The following FANCC variants were observed in gnomAD, a reference collection of about 807,000 sequenced individuals.
FANCC encodes Fanconi anemia group C protein.
Under a neutral mutation model 71.3 loss-of-function variants are expected in FANCC, and 55 were observed. The observed-to-expected ratio is 0.77, with a 90% CI of 0.62 to 0.97. FANCC has a LOEUF of 0.97. Among genes scored for constraint, FANCC ranks in the 50% least tolerant of loss-of-function variants. The pLI is 0.00. For synonymous variants in FANCC, 275 were observed against 244.9 expected (o/e 1.12, Z -1.15); for missense variants, 678 against 670.9 (o/e 1.01, Z -0.12).
intron 4 of FANCC, among the ~76,000 whole-genome samples, chr9:95,192,719 G>A (rs1344978394): frequency 6.6e-6 from 1 of 152,194 alleles, no homozygotes; most frequent in Non-Finnish European, 1.5e-5. Flanking sequence ...TATAGTCAAA[G>A]TAGAGACTCT....
chr9:95,290,018 C>A (rs910542254), intron 1 of FANCC, among the ~76,000 whole-genome samples: 1 of 152,104 alleles, frequency 6.6e-6, no homozygotes, highest in Non-Finnish European at 1.5e-5. Flanking sequence ...AAGACTGATT[C>A]CAGAAAATTG....
chr9:95,111,741 T>G, intron 12 of FANCC, 104 bp from the exon 13 acceptor site: 1 of 1,378,106 alleles, frequency 7.3e-7, no homozygotes, highest in Admixed American at 1.8e-5. Flanking sequence ...TAAATTGTAC[T>G]TATCCACTGA....
intron 4 of FANCC, among the ~76,000 whole-genome samples, chr9:95,194,086 T>G (rs1442096475): frequency 1.3e-5 from 2 of 152,148 alleles, no homozygotes; most frequent in Non-Finnish European, 2.9e-5. Context: ...TTTTTTAAAT[T>G]CCATTGGTAA....
intron 7 of FANCC, chr9:95,145,429 A>G (rs1248571747): frequency 6.6e-6 from 1 of 152,220 alleles, no homozygotes; most frequent in Non-Finnish European, 1.5e-5. Flanking sequence ...GCGGACAGAC[A>G]GCCTTAACAT....
At chr9:95,262,702 T>C (rs907278692) in intron 1 of FANCC, among the ~76,000 whole-genome samples, 5 of 152,126 alleles carry the variant, frequency 3.3e-5, no homozygotes, top group Non-Finnish European at 7.4e-5. Flanking sequence ...CAGCCAAAAG[T>C]GAGAACAACT....
At chr9:95,195,176 AAC>A (rs1827360352) in intron 4 of FANCC, among the ~76,000 whole-genome samples, 1 of 143,668 alleles carries the variant, frequency 7.0e-6, no homozygotes, top group South Asian at 2.3e-4. Flanking sequence ...CCAGCCTGGC[AAC>A]AGAGTGAGAC....
intron 1 of FANCC, among the ~76,000 whole-genome samples, chr9:95,258,562 G>A (rs939584005): frequency 2.6e-5 from 4 of 152,150 alleles, no homozygotes; most frequent in Non-Finnish European, 4.4e-5. Flanking sequence ...AGCTATTTAT[G>A]ACAAACCCAC....
At chr9:95,175,718 G>T (rs1395263664) in intron 4 of FANCC, among the ~76,000 whole-genome samples, 1 of 152,254 alleles carries the variant, frequency 6.6e-6, no homozygotes, top group African/African-American at 2.4e-5. Flanking sequence ...GGCGGAGGGT[G>T]GGGCCTGCAC....
chr9:95,180,281 C>T (rs1453146324), intron 4 of FANCC, among the ~76,000 whole-genome samples: 1 of 149,418 alleles, frequency 6.7e-6, no homozygotes, highest in Non-Finnish European at 1.5e-5. Flanking sequence ...ATAACAATGT[C>T]TTCTTCTGGA....
chr9:95,102,256 T>C (rs1473057970), intron 14 of FANCC, among the ~76,000 whole-genome samples: 1 of 152,166 alleles, frequency 6.6e-6, no homozygotes, highest in East Asian at 1.9e-4. Flanking sequence ...CACACGAACA[T>C]GAGAATTGGA....
intron 6 of FANCC, among the ~76,000 whole-genome samples, chr9:95,159,404 T>C (rs1289543036): frequency 2.6e-5 from 4 of 152,254 alleles, no homozygotes; most frequent in Non-Finnish European, 4.4e-5. Context: ...GGTGTATTTG[T>C]GCCACATTTT....
At position 95,171,230 on chromosome 9, in the gene FANCC, G is replaced by A. The variant is rs890612350; in HGVS notation, c.457-87C>T. On this transcript the variant is annotated intron_variant, in intron 5 of 14. Transcript: ENST00000289081. ...TTTTCTTGGTGTGAGTGATATTTCC[G>A]TTGAGATTCCCCCAACCCCCATCTT... 5.0e-6 allele frequency: 5 copies of A among 996,724 alleles called. No individual in the cohort carries two copies. The African/African-American group carries it at 6.4e-5, about 13-fold the overall frequency. The allele number at this position is 996,724 out of a possible 1,614,324, so 61.7% of individuals were successfully genotyped here. A position where few individuals can be genotyped will look rare whatever the true frequency, so the allele number is the denominator to read the frequency against.
intron 7 of FANCC, 129 bp from the exon 8 acceptor site, chr9:95,135,631 A>G: frequency 1.3e-6 from 1 of 743,548 alleles, no homozygotes; most frequent in South Asian, 1.7e-5. Context: ...GCAGTGGCTA[A>G]TAATTTATAG....
chr9:95,117,581 T>C (rs1376185745), intron 10 of FANCC, among the ~76,000 whole-genome samples, 191 bp from the exon 11 acceptor site: 3 of 127,652 alleles, frequency 2.4e-5, no homozygotes, highest in Admixed American at 8.6e-5. Context: ...AATTAACCTT[T>C]TTAAAGTCAC....
chr9:95,101,741 C>T lies in FANCC; in HGVS notation c.1643G>A (p.Arg548Gln), dbSNP rs730881729. The T allele has an allele frequency of 1.3e-5, 21 of 1,613,964 alleles. No homozygotes were observed. Among genetic ancestry groups the T allele is most frequent in the East Asian group, 2.2e-5 (1 of 44,884 alleles). Reference protein sequence around the residue: ...IESPRSEKLARELLKELRTQV With the variant: ...IESPRSEKLAQELLKELRTQV ...AGTTCGCAGCTCTTTAAGGAGCTCT[C>T]GGGCCAGTTTTTCTGATCTAGGGCT... is the stretch of plus-strand genomic sequence containing the variant. Residue 548 changes from arginine to glutamine, a missense_variant, in exon 15 of 15, where the codon CGA becomes CAA. Physicochemically the swap from Arg to Gln is conservative, Grantham distance 43. Coordinates refer to ENST00000289081, the MANE Select transcript of FANCC (RefSeq NM_000136.3).
At chr9:95,133,791 C>T (rs1047531180) in intron 8 of FANCC, among the ~76,000 whole-genome samples, 1 of 152,122 alleles carries the variant, frequency 6.6e-6, no homozygotes, top group Non-Finnish European at 1.5e-5. Context: ...TCCTAGTATG[C>T]ACATGTAAGT....
chr9:95,213,135 A>ATT (rs1184117741), intron 4 of FANCC, among the ~76,000 whole-genome samples: 1 of 152,216 alleles, frequency 6.6e-6, no homozygotes, highest in Non-Finnish European at 1.5e-5. Flanking sequence ...GTTAAATAAA[A>ATT]TATTTTTATA....
intron 7 of FANCC, among the ~76,000 whole-genome samples, chr9:95,136,584 T>A (rs909244382): frequency 3.9e-5 from 6 of 152,042 alleles, no homozygotes; most frequent in Admixed American, 1.3e-4. Flanking sequence ...ACTCCTAGGC[T>A]CATGTGATCC....
intron 14 of FANCC, among the ~76,000 whole-genome samples, chr9:95,106,104 G>A (rs1287537841): frequency 2.6e-5 from 4 of 152,262 alleles, no homozygotes; most frequent in Admixed American, 6.5e-5. Context: ...TGAGTGTTCC[G>A]GTTCCCACGC....
Sources: allele counts gnomAD v4.1 joint callset (sites outside exome capture counted in the v4.1 genomes callset), GRCh38; gene constraint gnomAD v4.1.1; transcripts MANE v1.5; gene names NCBI Gene and HGNC (gene_info 2026-07-23, HGNC 2026-07-21).